The following GSK3B variants were observed in gnomAD, a reference collection of about 807,000 sequenced individuals.
GSK3B encodes glycogen synthase kinase-3 beta.
A neutral mutation model predicts 56.4 loss-of-function variants in GSK3B; 15 were observed. That is an observed-to-expected ratio of 0.27 (90% CI 0.18 to 0.41). The LOEUF (loss-of-function observed/expected upper bound fraction) is 0.41, where lower values mean the gene tolerates loss of function less well. Ranked by LOEUF, GSK3B falls within the 10% of genes least tolerant of loss-of-function variation. GSK3B has a pLI of 1.00. For missense variants in GSK3B, 300 were observed against 513.4 expected (o/e 0.58, Z 4.02); for synonymous variants, 181 against 188.9 (o/e 0.96, Z 0.34).
chr3:119,903,473 AC>A (rs145720276), intron 7 of GSK3B, among the ~76,000 whole-genome samples: 13,899 of 152,254 alleles, frequency 0.091, 782 homozygotes, highest in Non-Finnish European at 0.12. Flanking sequence ...TTGATCACGG[AC>A]CATTTTGGAA....
intron 8 of GSK3B, among the ~76,000 whole-genome samples, chr3:119,873,013 A>G (rs970687251): frequency 6.6e-6 from 1 of 152,086 alleles, no homozygotes; most frequent in African/African-American, 2.4e-5. Context: ...TCTTCTTTGC[A>G]GTGTACAGCG....
intron 2 of GSK3B, among the ~76,000 whole-genome samples, chr3:119,961,476 A>C (rs1283074194): frequency 6.6e-6 from 1 of 151,964 alleles, no homozygotes; most frequent in African/African-American, 2.4e-5. Context: ...AAAAATACAA[A>C]AATTAGCCAG....
At chr3:119,965,580 C>A (rs1027616855) in intron 2 of GSK3B, among the ~76,000 whole-genome samples, 3 of 151,572 alleles carry the variant, frequency 2.0e-5, no homozygotes, top group Admixed American at 6.6e-5. Context: ...TAAAGAGAGA[C>A]AAAATAATTT....
intron 7 of GSK3B, among the ~76,000 whole-genome samples, chr3:119,895,653 G>A (rs1389034581): frequency 6.6e-6 from 1 of 152,064 alleles, no homozygotes; most frequent in Non-Finnish European, 1.5e-5. Flanking sequence ...AGCACCATTT[G>A]TCAAAAAGAC....
chr3:120,068,838 T>C (rs976642769), intron 1 of GSK3B, among the ~76,000 whole-genome samples: 1 of 151,974 alleles, frequency 6.6e-6, no homozygotes, highest in Non-Finnish European at 1.5e-5. Context: ...GTCTATCTAG[T>C]ATTATATAAT....
chr3:120,023,558 C>T (rs1310971508), intron 1 of GSK3B, among the ~76,000 whole-genome samples: 1 of 151,996 alleles, frequency 6.6e-6, no homozygotes, highest in African/African-American at 2.4e-5. Context: ...AACAAAAAGC[C>T]ATCTGACCTA....
At chr3:120,059,938 C>T (rs2058222489) in intron 1 of GSK3B, among the ~76,000 whole-genome samples, 1 of 152,184 alleles carries the variant, frequency 6.6e-6, no homozygotes, top group African/African-American at 2.4e-5. Context: ...AACATCTAAT[C>T]ATTCCACAAA....
At chr3:120,035,627 C>A (rs961664988) in intron 1 of GSK3B, among the ~76,000 whole-genome samples, 2 of 151,952 alleles carry the variant, frequency 1.3e-5, no homozygotes, top group Non-Finnish European at 2.9e-5. Context: ...GATGTCCATC[C>A]TTTTTTTTAG....
chr3:119,966,603 C>G (rs930780765), intron 2 of GSK3B, among the ~76,000 whole-genome samples: 1 of 152,146 alleles, frequency 6.6e-6, no homozygotes, highest in African/African-American at 2.4e-5. Context: ...ATTAAGGAAT[C>G]AGAGAGACTG....
At chr3:119,903,211 T>C (rs922820192) in intron 7 of GSK3B, among the ~76,000 whole-genome samples, 1 of 152,164 alleles carries the variant, frequency 6.6e-6, no homozygotes, top group Non-Finnish European at 1.5e-5. Context: ...GGTAATTCCA[T>C]CTATCCTGGG....
chr3:119,965,227 A>AT (rs772430757), intron 2 of GSK3B, among the ~76,000 whole-genome samples: 699 of 119,568 alleles, frequency 5.8e-3, no homozygotes, highest in African/African-American at 0.014. Context: ...TAATTTTTGT[A>AT]TTTTTTTTTT....
intron 5 of GSK3B, 51 bp downstream of exon 5, chr3:119,915,993 T>C (rs758606290): frequency 3.9e-6 from 5 of 1,282,152 alleles, no homozygotes; most frequent in Admixed American, 3.7e-5. Flanking sequence ...AAGAAGATAG[T>C]AGGGGGAGGA....
At chr3:119,950,790 T>C (rs1208496579) in intron 2 of GSK3B, among the ~76,000 whole-genome samples, 3 of 152,188 alleles carry the variant, frequency 2.0e-5, no homozygotes, top group Non-Finnish European at 4.4e-5. Flanking sequence ...GAAAAGCTGC[T>C]AGATATGACA....
rs1205169765 is a variant in GSK3B at position 119,827,612 on chromosome 3, G to T, written c.1196-757C>A. The stretch of plus-strand genomic sequence containing the variant: ...AAAAAAAAAAAAAAAAAAAAAAAGA[G>T]AGAGAGAGAGAAGAAAGAAAAGAGA... On this transcript the variant is annotated intron_variant, in intron 10 of 10. Transcript: ENST00000264235. Among the ~76,000 whole-genome samples the T allele has an allele frequency of 2.9e-3, 413 of 141,818 alleles. 1 individual carries two copies. Among genetic ancestry groups the T allele is most frequent in the East Asian group, 4.3e-3 (21 of 4,922 alleles). The allele number at this position is 141,818 out of a possible 152,430, so 93.0% of individuals were successfully genotyped here. A position where few individuals can be genotyped will look rare whatever the true frequency, so the allele number is the denominator to read the frequency against.
intron 10 of GSK3B, among the ~76,000 whole-genome samples, chr3:119,841,523 T>C (rs753670887): frequency 1.3e-5 from 2 of 152,202 alleles, no homozygotes; most frequent in African/African-American, 4.8e-5. Flanking sequence ...TAATGGCTTA[T>C]AGCAATTCTG....
chr3:119,990,538 T>C (rs2057554848), intron 2 of GSK3B, among the ~76,000 whole-genome samples: 1 of 152,238 alleles, frequency 6.6e-6, no homozygotes, highest in African/African-American at 2.4e-5. Context: ...CCTCTGGCAC[T>C]GTCTCCAGAA....
intron 6 of GSK3B, among the ~76,000 whole-genome samples, chr3:119,908,610 C>A (rs1261105582): frequency 6.6e-6 from 1 of 152,128 alleles, no homozygotes; most frequent in African/African-American, 2.4e-5. Flanking sequence ...TTCATATATG[C>A]CATGTACCAC....
intron 1 of GSK3B, chr3:120,041,165 G>T: frequency 5.7e-6 from 1 of 174,800 alleles, no homozygotes; most frequent in South Asian, 1.2e-4. Context: ...CCAGGCCACG[G>T]GCCAAACCCC....
chr3:119,926,772 T>C (rs907250155), intron 3 of GSK3B, among the ~76,000 whole-genome samples: 1 of 152,228 alleles, frequency 6.6e-6, no homozygotes, highest in Non-Finnish European at 1.5e-5. Context: ...GGGCTTCTAA[T>C]TCTTTAACCT....
Sources: allele counts gnomAD v4.1 joint callset (sites outside exome capture counted in the v4.1 genomes callset), GRCh38; gene constraint gnomAD v4.1.1; transcripts MANE v1.5; gene names NCBI Gene and HGNC (gene_info 2026-07-23, HGNC 2026-07-21).